The following RGS6 variants were observed in gnomAD, a reference collection of about 807,000 sequenced individuals.
RGS6 encodes the protein regulator of G protein signaling 6.
Under a neutral mutation model 78.5 loss-of-function variants are expected in RGS6, and 30 were observed. The ratio of observed to expected loss-of-function variants is 0.38; its 90% CI spans 0.29 to 0.52. RGS6 has a LOEUF of 0.52. RGS6 is among the 20% of genes least tolerant of loss of function. The pLI, the probability that RGS6 is intolerant of heterozygous loss-of-function variation, is 0.85. For missense variants in RGS6, 495 were observed against 609.7 expected, an observed-to-expected ratio of 0.81 and a Z score of 1.98; for synonymous variants, 206 against 206.0, an observed-to-expected ratio of 1.00 and a Z score of 0.00.
intron 15 of RGS6, among the ~76,000 whole-genome samples, chr14:72,531,260 C>A (rs2097179086): frequency 1.3e-5 from 2 of 152,008 alleles, no homozygotes; most frequent in Non-Finnish European, 2.9e-5. Flanking sequence ...TGGGGAAACC[C>A]CGTATCCACT....
At chr14:71,993,562 A>G (rs1289419478) in intron 2 of RGS6, among the ~76,000 whole-genome samples, 2 of 152,230 alleles carry the variant, frequency 1.3e-5, no homozygotes, top group African/African-American at 4.8e-5. Flanking sequence ...TAAAGAAATT[A>G]ACACAGAAGA....
chr14:72,545,299 C>T (rs1029431731), intron 17 of RGS6, among the ~76,000 whole-genome samples: 1 of 152,222 alleles, frequency 6.6e-6, no homozygotes, highest in Admixed American at 6.5e-5. Context: ...GGGAGACTTC[C>T]ATCGAAGTGT....
chr14:72,371,345 T>C (rs557428802), intron 3 of RGS6, among the ~76,000 whole-genome samples: 43 of 152,284 alleles, frequency 2.8e-4, no homozygotes, highest in African/African-American at 1.0e-3. Context: ...TTGATTTTTT[T>C]CTCCTGGAAG....
chr14:72,056,941 T>C (rs551146756), intron 2 of RGS6, among the ~76,000 whole-genome samples: 34 of 152,318 alleles, frequency 2.2e-4, no homozygotes, highest in Non-Finnish European at 3.7e-4. Context: ...ATCCTTTTCA[T>C]GTTACCTGTA....
intron 2 of RGS6, among the ~76,000 whole-genome samples, chr14:72,029,400 G>C (rs1259161922): frequency 6.6e-6 from 1 of 152,178 alleles, no homozygotes; most frequent in African/African-American, 2.4e-5. Context: ...GTGTGATTCA[G>C]CTGTTGGATT....
chr14:72,357,708 CAA>C (rs1158213551), intron 3 of RGS6, among the ~76,000 whole-genome samples: 8 of 151,972 alleles, frequency 5.3e-5, no homozygotes, highest in African/African-American at 1.9e-4. Flanking sequence ...TCTCTGGACA[CAA>C]GAGAGCATAA....
chr14:72,425,920 A>G (rs1597355653), intron 3 of RGS6, among the ~76,000 whole-genome samples: 1 of 152,340 alleles, frequency 6.6e-6, no homozygotes, highest in East Asian at 1.9e-4. Flanking sequence ...GTACTAGAAT[A>G]TTAAAAATGA....
intron 2 of RGS6, among the ~76,000 whole-genome samples, chr14:72,339,315 C>T (rs1356801504): frequency 6.6e-6 from 1 of 152,128 alleles, no homozygotes; most frequent in Non-Finnish European, 1.5e-5. Flanking sequence ...CAGAACAAGC[C>T]CTCACCAGAC....
chr14:72,091,590 C>G (rs2095270610), intron 2 of RGS6, among the ~76,000 whole-genome samples: 1 of 152,168 alleles, frequency 6.6e-6, no homozygotes, highest in Non-Finnish European at 1.5e-5. Flanking sequence ...TAGTATGACC[C>G]TATCCACTGT....
intron 2 of RGS6, among the ~76,000 whole-genome samples, chr14:72,149,977 A>C (rs767394783): frequency 7.2e-5 from 11 of 152,164 alleles, no homozygotes; most frequent in Admixed American, 4.6e-4. Context: ...TTCCCATCTT[A>C]CTATTGGGCT....
intron 3 of RGS6, among the ~76,000 whole-genome samples, chr14:72,431,028 C>T (rs549897460): frequency 3.9e-4 from 59 of 152,262 alleles, no homozygotes; most frequent in African/African-American, 1.3e-3. Flanking sequence ...CAGGAGACAG[C>T]CTGAATAATG....
chr14:72,620,501 G>A, the RGS6 span, among the ~76,000 whole-genome samples: 6 of 152,120 alleles, frequency 3.9e-5, no homozygotes, highest in East Asian at 1.9e-4. Flanking sequence ...GCCATCCCTC[G>A]GCTTCCAGAA....
At chr14:71,942,232 A>G (rs183518171) in intron 1 of RGS6, among the ~76,000 whole-genome samples, 255 of 152,336 alleles carry the variant, frequency 1.7e-3, no homozygotes, top group Admixed American at 2.7e-3. Flanking sequence ...AATGAGTTAC[A>G]TTAAATAATA....
the RGS6 span, among the ~76,000 whole-genome samples, chr14:72,610,064 T>C: frequency 6.6e-5 from 10 of 152,200 alleles, no homozygotes; most frequent in East Asian, 1.7e-3. Flanking sequence ...GAAGGAGTTG[T>C]GAGTGTGAGG....
chr14:72,209,412 TCTA>T (rs1350197047), intron 2 of RGS6, among the ~76,000 whole-genome samples: 5 of 152,166 alleles, frequency 3.3e-5, no homozygotes, highest in Non-Finnish European at 7.4e-5. Flanking sequence ...TTCTATTTCT[TCTA>T]CTTCTTCTTA....
intron 3 of RGS6, among the ~76,000 whole-genome samples, chr14:72,430,760 T>C (rs1449574336): frequency 2.0e-5 from 3 of 152,190 alleles, no homozygotes; most frequent in African/African-American, 7.2e-5. Flanking sequence ...AGGCACTTTC[T>C]TTGTGATCTT....
intron 1 of RGS6, among the ~76,000 whole-genome samples, chr14:71,942,061 G>C (rs904797582): frequency 2.0e-5 from 3 of 152,126 alleles, no homozygotes; most frequent in South Asian, 4.2e-4. Context: ...TCTTATGGAG[G>C]AATATCTTTC....
intron 2 of RGS6, among the ~76,000 whole-genome samples, chr14:72,194,498 C>T (rs552181392): frequency 1.6e-4 from 24 of 152,160 alleles, no homozygotes; most frequent in South Asian, 1.0e-3. Context: ...CAGCCTCCCA[C>T]GTAGCTGGAA....
intron 2 of RGS6, among the ~76,000 whole-genome samples, chr14:72,309,011 G>A (rs1045365381): frequency 6.6e-6 from 1 of 152,158 alleles, no homozygotes; most frequent in Non-Finnish European, 1.5e-5. Context: ...GTTTCTTTGC[G>A]ATGTGTAATT....
Sources: gnomAD v4.1 joint callset for allele counts (sites outside exome capture counted in the v4.1 genomes callset) on GRCh38, gnomAD v4.1.1 for gene constraint, MANE v1.5 for transcripts, NCBI Gene and HGNC (gene_info 2026-07-23, HGNC 2026-07-21) for gene names.